Variants in CASR observed in about 807,000 individuals in gnomAD.
CASR encodes the protein calcium sensing receptor.
Under a neutral mutation model 69.1 loss-of-function variants are expected in CASR, and 23 were observed. The ratio of observed to expected loss-of-function variants is 0.33; its 90% CI spans 0.24 to 0.47. CASR has a LOEUF of 0.47. Among genes scored for constraint, CASR ranks in the 20% least tolerant of loss-of-function variants. The pLI, the probability that CASR is intolerant of heterozygous loss-of-function variation, is 1.00. For missense variants in CASR, 924 were observed against 1,356.1 expected, an observed-to-expected ratio of 0.68 and a Z score of 5.00; for synonymous variants, 541 against 544.7, an observed-to-expected ratio of 0.99 and a Z score of 0.10.
chr3:122,184,109 C>T (rs1380498844), intron 1 of CASR: 1 of 152,314 alleles, frequency 6.6e-6, no homozygotes, highest in Non-Finnish European at 1.5e-5. Flanking sequence ...GAAGACGCGC[C>T]CTCAGCGACC....
chr3:122,230,453 A>C (rs1443427102), intron 1 of CASR, among the ~76,000 whole-genome samples: 1 of 152,224 alleles, frequency 6.6e-6, no homozygotes, highest in East Asian at 1.9e-4. Flanking sequence ...ACGCAGGAGC[A>C]GCGGGGGCGG....
At chr3:122,210,348 A>G (rs2074051064) in intron 1 of CASR, among the ~76,000 whole-genome samples, 1 of 152,206 alleles carries the variant, frequency 6.6e-6, no homozygotes, top group African/African-American at 2.4e-5. Context: ...CCATTGTCCC[A>G]TCCCAAAAGC....
Position 122,243,515 on chromosome 3 carries a change from G to A in CASR, c.-242-10433G>A, listed in dbSNP as rs555013244. On this transcript the variant is annotated intron_variant, in intron 1 of 6. Coordinates refer to ENST00000639785, the MANE Select transcript of CASR (RefSeq NM_000388.4). ...TTAAAATGGCTTTTATCCAAAAGACGGGCAATAATGAATGCTGGCAAGGAT... is the reference window on the plus strand; with the variant it reads ...TTAAAATGGCTTTTATCCAAAAGACAGGCAATAATGAATGCTGGCAAGGAT... Among the ~76,000 whole-genome samples the A allele has an allele frequency of 5.5e-4, 84 of 151,984 alleles. 1 individual carries two copies. Among genetic ancestry groups the A allele is most frequent in the Middle Eastern group, 3.4e-3 (1 of 294 alleles).
In CASR at chr3:122,218,320, G is replaced by C. The variant is rs35712382; in HGVS notation, c.-243+34508G>C. 4.9e-3 allele frequency among the ~76,000 whole-genome samples: 746 copies of C among 151,982 alleles called. 3 individuals carry two copies. Among genetic ancestry groups the C allele is most frequent in the Non-Finnish European group, 7.4e-3 (502 of 67,876 alleles). ...GGAGGCTGAGGCGGGCGGATCATGAGGTCAGGAGATCAAGACCAGCCTGGC... is the reference window on the plus strand; with the variant it reads ...GGAGGCTGAGGCGGGCGGATCATGACGTCAGGAGATCAAGACCAGCCTGGC... On this transcript the variant is annotated intron_variant, in intron 1 of 6. Coordinates refer to ENST00000639785, the MANE Select transcript of CASR (RefSeq NM_000388.4).
chr3:122,226,829 C>A (rs2074227502), intron 1 of CASR, among the ~76,000 whole-genome samples: 1 of 151,652 alleles, frequency 6.6e-6, no homozygotes, highest in Non-Finnish European at 1.5e-5. Flanking sequence ...ATACAGAGTG[C>A]CTATTGGTGC....
At chr3:122,187,606 T>C (rs958913300) in intron 1 of CASR, among the ~76,000 whole-genome samples, 3 of 152,152 alleles carry the variant, frequency 2.0e-5, no homozygotes, top group African/African-American at 4.8e-5. Flanking sequence ...GAGTGGTCAA[T>C]TCTACCAAAG....
intron 1 of CASR, among the ~76,000 whole-genome samples, chr3:122,227,529 T>A (rs4678187): frequency 1.3e-5 from 2 of 152,072 alleles, no homozygotes; most frequent in Admixed American, 6.5e-5. Context: ...AAGCACCGTG[T>A]GCAGCCCTGG....
At chr3:122,193,667 C>T (rs1194990015) in intron 1 of CASR, among the ~76,000 whole-genome samples, 1 of 152,154 alleles carries the variant, frequency 6.6e-6, no homozygotes, top group Admixed American at 6.5e-5. Context: ...ATACATATAC[C>T]TGCTCTCTAG....
chr3:122,257,420 G>A lies in CASR; in HGVS notation c.492+33G>A, dbSNP rs180799554. 4 of 1,552,854 alleles carry A rather than the reference G, an allele frequency of 2.6e-6. No individual in the cohort carries two copies. The East Asian group carries it at 6.7e-5, about 26-fold the overall frequency. On this transcript the variant is annotated intron_variant, in intron 3 of 6. Coordinates refer to ENST00000639785, the MANE Select transcript of CASR (RefSeq NM_000388.4). Reference sequence around the variant, plus strand: ...AGCCTTCTCAGGCGGGGCACTGGGAGCAGGATCAGAAGAAGCAGGCTTGGG... The same window carrying A: ...AGCCTTCTCAGGCGGGGCACTGGGAACAGGATCAGAAGAAGCAGGCTTGGG...
At chr3:122,267,655 G>A (rs1167281911) in intron 4 of CASR, among the ~76,000 whole-genome samples, 1 of 152,224 alleles carries the variant, frequency 6.6e-6, no homozygotes, top group Non-Finnish European at 1.5e-5. Flanking sequence ...GGTAGAGGTT[G>A]ACTTTCAGGG....
chr3:122,228,048 C>T (rs2074242955), intron 1 of CASR, among the ~76,000 whole-genome samples: 1 of 152,132 alleles, frequency 6.6e-6, no homozygotes, highest in East Asian at 1.9e-4. Flanking sequence ...GGAGCAGATT[C>T]GAATGGTCCA....
intron 4 of CASR, among the ~76,000 whole-genome samples, chr3:122,263,885 A>G (rs1408435372): frequency 6.6e-6 from 1 of 152,186 alleles, no homozygotes; most frequent in African/African-American, 2.4e-5. Flanking sequence ...TAGGAGGAGT[A>G]AGGGAGCAAT....
chr3:122,202,099 A>G (rs1011267385), intron 1 of CASR, among the ~76,000 whole-genome samples: 3 of 152,018 alleles, frequency 2.0e-5, no homozygotes, highest in Non-Finnish European at 4.4e-5. Flanking sequence ...GCGAGCCGAG[A>G]TCACGCCACT....
At position 122,261,671 on chromosome 3, in the gene CASR, T is replaced by C. The variant is rs1226146501; in HGVS notation, c.636T>C (p.Ile212=). The change falls in exon 4 of 7, where the codon ATT becomes ATC. Residue 212 remains isoleucine, a synonymous_variant. Coordinates refer to ENST00000639785, the MANE Select transcript of CASR (RefSeq NM_000388.4). ...TCCGCTGGAACTGGGTGGGCACAAT[T>C]GCAGCTGATGACGACTATGGGCGGC... ...EYFRWNWVGT[I]AADDDYGRPG... 12 of 1,614,184 alleles carry C rather than the reference T, an allele frequency of 7.4e-6. No individual in the cohort carries two copies. Among genetic ancestry groups the C allele is most frequent in the South Asian group, 1.1e-5 (1 of 91,084 alleles).
intron 1 of CASR, among the ~76,000 whole-genome samples, chr3:122,225,994 G>A (rs1433704715): frequency 2.0e-5 from 3 of 152,092 alleles, no homozygotes; most frequent in African/African-American, 4.8e-5. Context: ...AATACTTCAT[G>A]TTCTCACTGA....
chr3:122,204,479 G>A (rs62271400), intron 1 of CASR, among the ~76,000 whole-genome samples: 72,004 of 151,926 alleles, frequency 0.47, 17,829 homozygotes, highest in African/African-American at 0.55. Context: ...TTATTCATCC[G>A]TTGATGGGCA....
intron 2 of CASR, 93 bp from the exon 3 acceptor site, chr3:122,256,988 G>A: frequency 9.8e-7 from 1 of 1,025,352 alleles, no homozygotes; most frequent in South Asian, 1.3e-5. Flanking sequence ...AGTAGTAACA[G>A]TTCGATGATT....
chr3:122,252,400 A>AAGGAAGGAAGGAAGGAAGGT (rs1324090752), intron 1 of CASR, among the ~76,000 whole-genome samples: 9 of 51,268 alleles, frequency 1.8e-4, no homozygotes, highest in African/African-American at 4.6e-4. Context: ...GGAAGGAAGG[A>AAGGAAGGAAGGAAGGAAGGT]AGGAAGGAAA....
At chr3:122,203,352 T>G (rs1178243016) in intron 1 of CASR, among the ~76,000 whole-genome samples, 4 of 152,202 alleles carry the variant, frequency 2.6e-5, no homozygotes, top group African/African-American at 9.7e-5. Flanking sequence ...ATTTCATTAT[T>G]GTTCGAACAT....
Sources: allele counts gnomAD v4.1 joint callset (sites outside exome capture counted in the v4.1 genomes callset), GRCh38; gene constraint gnomAD v4.1.1; transcripts MANE v1.5; gene names NCBI Gene and HGNC (gene_info 2026-07-23, HGNC 2026-07-21).